The following TSPAN4 variants were observed in gnomAD, a reference collection of about 807,000 sequenced individuals.
TSPAN4 encodes the protein tetraspanin 4, also known as tetraspanin-4.
Under a neutral mutation model 31.5 loss-of-function variants are expected in TSPAN4, and 38 were observed. The observed-to-expected ratio is 1.21, with a 90% CI of 0.93 to 1.58. The LOEUF (loss-of-function observed/expected upper bound fraction) is 1.58, where lower values mean the gene tolerates loss of function less well. Ranked by LOEUF, TSPAN4 falls within the 40% of genes most tolerant of loss-of-function variation. The pLI, the probability that TSPAN4 is intolerant of heterozygous loss-of-function variation, is 0.00. For synonymous variants in TSPAN4, 186 were observed against 144.6 expected, an observed-to-expected ratio of 1.29 and a Z score of -2.06; for missense variants, 330 against 317.3, an observed-to-expected ratio of 1.04 and a Z score of -0.30.
At chr11:849,191 G>A (rs1322767319) in intron 2 of TSPAN4, among the ~76,000 whole-genome samples, 2 of 152,088 alleles carry the variant, frequency 1.3e-5, no homozygotes, top group African/African-American at 4.8e-5. Flanking sequence ...TCCTGGGGCT[G>A]CCAGCCTCCT....
At chr11:860,898 G>C (rs1196943108) in intron 3 of TSPAN4, among the ~76,000 whole-genome samples, 1 of 152,166 alleles carries the variant, frequency 6.6e-6, no homozygotes. Flanking sequence ...CCCAGAACCA[G>C]TCAACCGTCG....
chr11:864,077 C>T (rs1848628629), intron 4 of TSPAN4: 2 of 332,394 alleles, frequency 6.0e-6, no homozygotes, highest in Non-Finnish European at 1.1e-5. Context: ...CACTCAGAGG[C>T]CCCTGGATGG....
Position 865,621 on chromosome 11 carries a change from CGTGGGCAG to C in TSPAN4, c.432+14_432+21del. 1 of 1,612,804 alleles carries C rather than the reference CGTGGGCAG, an allele frequency of 6.2e-7. No homozygotes were observed. The highest frequency in any genetic ancestry group is 1.1e-5 in the South Asian group (1 of 91,060). On this transcript the variant is annotated splice_region_variant and intron_variant, in intron 6 of 8. Coordinates refer to ENST00000397397, the MANE Select transcript of TSPAN4 (RefSeq NM_003271.5). ...GAGCATCATCCAGACCGACGTGAGG[CGTGGGCAG>C]GTGGGCGGGGTCGGCGGGTGCCCCC...
chr11:861,513 C>A (rs1345820976), intron 3 of TSPAN4, among the ~76,000 whole-genome samples: 1 of 152,080 alleles, frequency 6.6e-6, no homozygotes, highest in Non-Finnish European at 1.5e-5. Flanking sequence ...GAGATCAAGA[C>A]CATCCTGGCT....
chr11:855,929 A>G (rs901359367), intron 3 of TSPAN4, among the ~76,000 whole-genome samples: 7 of 152,166 alleles, frequency 4.6e-5, no homozygotes, highest in Admixed American at 4.6e-4. Context: ...ACAAAGCCGC[A>G]TGGCCAGAGG....
rs1343010405 is a variant in TSPAN4, at chr11:848,588, T to A, written c.-18+1288T>A. Among the ~76,000 whole-genome samples the A allele has an allele frequency of 6.6e-6, 1 of 152,076 alleles. No individual in the cohort carries two copies. The highest frequency in any genetic ancestry group is 2.4e-5 in the African/African-American group (1 of 41,414). ...GGCAGCCCTCCCCAGACCTGCCACCTCCCACATCAGTCACTCCAGGAGGAC... is the reference window on the plus strand; with the variant it reads ...GGCAGCCCTCCCCAGACCTGCCACCACCCACATCAGTCACTCCAGGAGGAC... On this transcript the variant is annotated intron_variant, in intron 2 of 8. Coordinates refer to ENST00000397397, the MANE Select transcript of TSPAN4 (RefSeq NM_003271.5). This position sits in a 1 kb window ranked among gnomAD's most constrained non-coding sequence, Gnocchi z 5.7.
At position 845,537 on chromosome 11, in the gene TSPAN4, C is replaced by T. The variant is rs145860420; in HGVS notation, c.-117-1664C>T. Among the ~76,000 whole-genome samples, 419 of 152,266 alleles carry T rather than the reference C, an allele frequency of 2.8e-3. 1 individual carries two copies. Among genetic ancestry groups the T allele is most frequent in the African/African-American group, 9.8e-3 (408 of 41,540 alleles). ...CTGCCTGCCATGCAGCTGCCCAGGCCTGATGTGCCCCCCCAGACTGTTCTA... is the reference window on the plus strand; with the variant it reads ...CTGCCTGCCATGCAGCTGCCCAGGCTTGATGTGCCCCCCCAGACTGTTCTA... On this transcript the variant is annotated intron_variant, in intron 1 of 8. Transcript: ENST00000397397.
At chr11:856,411 C>T (rs985611462) in intron 3 of TSPAN4, among the ~76,000 whole-genome samples, 1 of 151,814 alleles carries the variant, frequency 6.6e-6, no homozygotes, top group African/African-American at 2.4e-5. Context: ...AGGACAGGCC[C>T]CAGGCACCGC....
chr11:844,393 G>A (rs1394446848), intron 1 of TSPAN4: 1 of 152,418 alleles, frequency 6.6e-6, no homozygotes, highest in African/African-American at 2.4e-5. Flanking sequence ...GGAATTCCGA[G>A]TGTGTGCGCT....
intron 8 of TSPAN4, 128 bp downstream of exon 8, chr11:866,129 G>T: frequency 9.8e-7 from 1 of 1,016,954 alleles, no homozygotes. Context: ...AAAAGCAGGA[G>T]GGCGAGTTCA....
chr11:860,626 C>T (rs1848403632), intron 3 of TSPAN4, among the ~76,000 whole-genome samples: 1 of 152,176 alleles, frequency 6.6e-6, no homozygotes, highest in Non-Finnish European at 1.5e-5. Context: ...TGGTGGCCAG[C>T]AGCTATCCCA....
At chr11:855,556 G>A (rs780145345) in intron 3 of TSPAN4, among the ~76,000 whole-genome samples, 1 of 152,206 alleles carries the variant, frequency 6.6e-6, no homozygotes, top group Non-Finnish European at 1.5e-5. Context: ...TGGCCTCAGG[G>A]TGGGCCTTGG....
chr11:854,025 C>T (rs115826058), intron 3 of TSPAN4, among the ~76,000 whole-genome samples: 2,986 of 152,306 alleles, frequency 0.02, 88 homozygotes, highest in African/African-American at 0.068. Flanking sequence ...GGCCTCTGTG[C>T]TGCCTGGTCA....
In TSPAN4 at chr11:865,650, C is replaced by A. The variant is rs531313486; in HGVS notation, c.432+36C>A. The stretch of plus-strand genomic sequence containing the variant: ...GGCAGGTGGGCGGGGTCGGCGGGTG[C>A]CCCCTCCCCTCCTGCCTCAGCCCGA... On this transcript the variant is annotated intron_variant, in intron 6 of 8. Coordinates refer to ENST00000397397, the MANE Select transcript of TSPAN4 (RefSeq NM_003271.5). 6 of 1,610,566 alleles carry A rather than the reference C, an allele frequency of 3.7e-6. No individual in the cohort carries two copies. In the Admixed American group the frequency reaches 1.0e-4, roughly 27 times the overall value.
At position 862,533 on chromosome 11, in the gene TSPAN4, C is replaced by T. The variant is rs115225484; in HGVS notation, c.64-17C>T. 1.3e-6 allele frequency: 2 copies of T among 1,593,364 alleles called. No homozygotes were observed. The highest frequency in any genetic ancestry group is 1.3e-5 in the African/African-American group (1 of 74,624). ...GGGCCTCACCCTGTCTGTGTCTCTC[C>T]TGTTGCTGTGCCCCAGCTGGGAGGC... On this transcript the variant is annotated splice_polypyrimidine_tract_variant and intron_variant, in intron 3 of 8. Coordinates refer to ENST00000397397, the MANE Select transcript of TSPAN4 (RefSeq NM_003271.5).
intron 3 of TSPAN4, among the ~76,000 whole-genome samples, chr11:861,067 T>G (rs1262640709): frequency 6.6e-6 from 1 of 152,198 alleles, no homozygotes; most frequent in Non-Finnish European, 1.5e-5. Context: ...TGTCTGAAGG[T>G]GGGGTCCTGG....
Position 866,673 on chromosome 11 carries a change from G to A in TSPAN4, c.*43G>A. On this transcript the variant is annotated 3_prime_UTR_variant, in exon 9 of 9. Coordinates refer to ENST00000397397, the MANE Select transcript of TSPAN4 (RefSeq NM_003271.5). ...TCTCTGCCAAAAGGACGCCCACGGG[G>A]AGATGGCCGCACCCACAGCTGCCTT... 1 of 1,576,234 alleles carries A rather than the reference G, an allele frequency of 6.3e-7. No homozygotes were observed. Among genetic ancestry groups the A allele is most frequent in the Non-Finnish European group, 8.6e-7 (1 of 1,156,902 alleles).
chr11:852,532 G>T (rs904176535), intron 3 of TSPAN4, among the ~76,000 whole-genome samples: 1 of 152,230 alleles, frequency 6.6e-6, no homozygotes, highest in African/African-American at 2.4e-5. Flanking sequence ...GTCTAAGGGT[G>T]GGGGCGGGGC....
chr11:864,433 A>G lies in TSPAN4; in HGVS notation c.256-4A>G. ...GTCCCTGTCTGAGCCTGCCCCCTCC[A>G]CAGTTCTTCCTGCTGCTGCTGCTGG... On this transcript the variant is annotated splice_region_variant and splice_polypyrimidine_tract_variant and intron_variant, in intron 4 of 8. Coordinates refer to ENST00000397397, the MANE Select transcript of TSPAN4 (RefSeq NM_003271.5). 1 of 1,612,254 alleles carries G rather than the reference A, an allele frequency of 6.2e-7. No individual in the cohort carries two copies. The highest frequency in any genetic ancestry group is 8.5e-7 in the Non-Finnish European group (1 of 1,179,910).
Sources: allele counts gnomAD v4.1 joint callset (sites outside exome capture counted in the v4.1 genomes callset), GRCh38; gene constraint gnomAD v4.1.1; non-coding constraint Gnocchi (gnomAD v3.1); transcripts MANE v1.5; gene names NCBI Gene and HGNC (gene_info 2026-07-23, HGNC 2026-07-21).